The following EXD1 variants were observed in gnomAD, a reference collection of about 807,000 sequenced individuals.
EXD1 encodes the protein piRNA biogenesis protein EXD1.
Under a neutral mutation model 49.1 loss-of-function variants are expected in EXD1, and 63 were observed. That is an observed-to-expected ratio of 1.28 (90% confidence interval 1.05 to 1.58). The LOEUF (loss-of-function observed/expected upper bound fraction) is 1.58, where lower values mean the gene tolerates loss of function less well. EXD1 is among the 40% of genes most tolerant of loss of function. The pLI, the probability that EXD1 is intolerant of heterozygous loss-of-function variation, is 0.00. For synonymous variants in EXD1, 234 were observed against 239.2 expected (o/e 0.98, Z 0.20); for missense variants, 748 against 666.0 (o/e 1.12, Z -1.36).
intron 5 of EXD1, 149 bp from the exon 6 acceptor site, chr15:41,215,982 T>C (rs1344403127): frequency 3.0e-6 from 2 of 672,788 alleles, no homozygotes; most frequent in Non-Finnish European, 5.3e-6. Flanking sequence ...GTACTACTTC[T>C]CTTCCTTTTT....
At position 41,210,647 on chromosome 15, in the gene EXD1, G is replaced by C. The variant is rs546912044; in HGVS notation, c.448-1060C>G. 2.7e-5 allele frequency among the ~76,000 whole-genome samples: 4 copies of C among 150,484 alleles called. No homozygotes were observed. The South Asian group carries it at 8.3e-4, about 31-fold the overall frequency. ...TGAGGCTGCAGTGAGCCATGATGAT[G>C]CACTTCAGCCTGTGTAAAAAAAAAA... On this transcript the variant is annotated intron_variant, in intron 6 of 11. Coordinates refer to ENST00000458580, the MANE Select transcript of EXD1 (RefSeq NM_001286441.2).
chr15:41,196,896 G>A (rs2140838623), intron 7 of EXD1, among the ~76,000 whole-genome samples: 1 of 152,122 alleles, frequency 6.6e-6, no homozygotes, highest in Middle Eastern at 3.4e-3. Flanking sequence ...CTTTATCTTG[G>A]CTCACTGCAA....
intron 5 of EXD1, 58 bp downstream of exon 5, chr15:41,216,610 A>T: frequency 4.6e-6 from 7 of 1,527,262 alleles, no homozygotes; most frequent in Middle Eastern, 2.4e-4. Flanking sequence ...CAGCCTGGGC[A>T]ACAAGAGCGA....
In EXD1 at chr15:41,207,870, GCA is replaced by G; in HGVS notation, c.534+1629_534+1630del. ...TACTAAAAAGACAAAAATTAGCCAG[GCA>G]TGTTGGCTCATGCCTGTAATCCCAG... is the stretch of plus-strand genomic sequence containing the variant. On this transcript the variant is annotated intron_variant, in intron 7 of 11. Transcript: ENST00000458580. Among the ~76,000 whole-genome samples, 3 of 151,954 alleles carry G rather than the reference GCA, an allele frequency of 2.0e-5. No homozygotes were observed. The South Asian group carries it at 6.2e-4, about 32-fold the overall frequency.
chr15:41,199,748 T>TGATATATATC (rs1595436620), intron 7 of EXD1, among the ~76,000 whole-genome samples: 2 of 10,844 alleles, frequency 1.8e-4, no homozygotes, highest in African/African-American at 6.6e-4. Flanking sequence ...TGTCATATAT[T>TGATATATATC]ATATATGATA....
chr15:41,220,702 A>G (rs2047074962), intron 2 of EXD1, among the ~76,000 whole-genome samples: 1 of 152,154 alleles, frequency 6.6e-6, no homozygotes, highest in Non-Finnish European at 1.5e-5. Flanking sequence ...CATGTCCACA[A>G]TGTGCTGTCA....
chr15:41,230,295 C>T (rs2047220002), intron 1 of EXD1, among the ~76,000 whole-genome samples, 184 bp downstream of exon 1: 1 of 152,014 alleles, frequency 6.6e-6, no homozygotes, highest in African/African-American at 2.4e-5. Context: ...ATTGGTCAGG[C>T]TGGTCTCGAA....
At chr15:41,187,526 T>C (rs571581088) in intron 11 of EXD1, among the ~76,000 whole-genome samples, 14 of 152,312 alleles carry the variant, frequency 9.2e-5, no homozygotes, top group Admixed American at 2.0e-4. Context: ...TTTATTATGT[T>C]AGAAAAGTTA....
chr15:41,230,380 GCCTA>G (rs1029320508), intron 1 of EXD1, 95 bp downstream of exon 1: 6 of 1,322,766 alleles, frequency 4.5e-6, no homozygotes, highest in African/African-American at 4.4e-5. Context: ...ACCGTGCCAG[GCCTA>G]CCTTTTTAAT....
rs1247039022 is a variant in EXD1, at chr15:41,189,963, A to G, written c.1030T>C (p.Ser344Pro). ...DGYLNTYREG[S>P]ADRLGGTEPT... is the part of the protein sequence containing the mutation. ...TCAGTGCCTCCAAGCCGGTCTGCAG[A>G]CCCTTCGCGATACGTGTTTAGGTAA... The change falls in exon 11 of 12, where the codon TCT (serine) becomes CCT (proline). Residue 344 changes from serine to proline, a missense_variant. Coordinates refer to ENST00000458580, the MANE Select transcript of EXD1 (RefSeq NM_001286441.2). The G allele has an allele frequency of 6.2e-7, 1 of 1,613,946 alleles. No homozygotes were observed. Among genetic ancestry groups the G allele is most frequent in the Admixed American group, 1.7e-5 (1 of 59,948 alleles).
chr15:41,184,833 T>C (rs899628643), intron 11 of EXD1, among the ~76,000 whole-genome samples: 1 of 151,956 alleles, frequency 6.6e-6, no homozygotes, highest in African/African-American at 2.4e-5. Context: ...TTTTTTTCTA[T>C]TGTTAGTAGA....
Position 41,188,803 on chromosome 15 carries a change from C to CT in EXD1, c.1056+1133dup, listed in dbSNP as rs112364138. 4.5e-3 allele frequency among the ~76,000 whole-genome samples: 501 copies of CT among 110,490 alleles called. 5 individuals are homozygous for CT. Among genetic ancestry groups the CT allele is most frequent in the South Asian group, 0.013 (43 of 3,234 alleles). The allele number at this position is 110,490 out of a possible 152,430, so 72.5% of individuals were successfully genotyped here. ...TTTCCTTTTTTTTCTTTTCTTTCTT[C>CT]TTTTTTTTTTTTTTTTTGAGACAGA... On this transcript the variant is annotated intron_variant, in intron 11 of 11. Coordinates refer to ENST00000458580, the MANE Select transcript of EXD1 (RefSeq NM_001286441.2).
chr15:41,189,949 A>G lies in EXD1; in HGVS notation c.1044T>C (p.Leu348=). 1.2e-6 allele frequency: 2 copies of G among 1,613,990 alleles called. No homozygotes were observed. Among genetic ancestry groups the G allele is most frequent in the Non-Finnish European group, 1.7e-6 (2 of 1,179,932 alleles). ...GAGCTGCACCTACCTCAGTGCCTCC[A>G]AGCCGGTCTGCAGACCCTTCGCGAT... The part of the protein sequence containing the change: ...NTYREGSADR[L]GGTEPTCMEL... Residue 348 remains leucine, a synonymous_variant, in exon 11 of 12, where the codon CTT becomes CTC. Transcript: ENST00000458580.
At chr15:41,215,606 A>C (rs1397615358) in intron 6 of EXD1, among the ~76,000 whole-genome samples, 169 bp downstream of exon 6, 1 of 151,990 alleles carries the variant, frequency 6.6e-6, no homozygotes. Context: ...GAAGGGTGTG[A>C]ACCTGGGAGG....
intron 7 of EXD1, among the ~76,000 whole-genome samples, chr15:41,207,569 C>T (rs933364671): frequency 6.6e-6 from 1 of 151,272 alleles, no homozygotes; most frequent in East Asian, 1.9e-4. Flanking sequence ...AAAAAATAAA[C>T]GTAGTGCCTC....
intron 1 of EXD1, among the ~76,000 whole-genome samples, chr15:41,227,391 C>T (rs1474276233): frequency 5.3e-5 from 8 of 152,040 alleles, no homozygotes; most frequent in Admixed American, 2.0e-4. Flanking sequence ...CCAAATTGGC[C>T]GGGCGCAGTG....
intron 11 of EXD1, among the ~76,000 whole-genome samples, chr15:41,186,079 A>G (rs1158861920): frequency 6.6e-6 from 1 of 152,154 alleles, no homozygotes; most frequent in Non-Finnish European, 1.5e-5. Context: ...CAATTTTTGT[A>G]CTGTTCCTGA....
chr15:41,229,800 C>T (rs1041827254), intron 1 of EXD1, among the ~76,000 whole-genome samples: 1 of 151,504 alleles, frequency 6.6e-6, no homozygotes, highest in Non-Finnish European at 1.5e-5. Flanking sequence ...ACAAACAAAA[C>T]TCTAGTTCTT....
At position 41,184,022 on chromosome 15, in the gene EXD1, G is replaced by A. The variant is rs2046363223; in HGVS notation, c.1628C>T (p.Pro543Leu). ...TRVSPSDTFY[P>L]IRKTVVSTLP... ...TGTGGAAACCACAGTCTTTCTGATA[G>A]GATAAAAAGTGTCACTTGGAGACAC... is the stretch of plus-strand genomic sequence containing the variant. The change falls in exon 12 of 12, where the codon CCT becomes CTT. Residue 543 changes from proline (P) to leucine (L), a missense_variant. Transcript: ENST00000458580. The A allele has an allele frequency of 1.2e-6, 2 of 1,614,026 alleles. No homozygotes were observed. Among genetic ancestry groups the A allele is most frequent in the Admixed American group, 1.7e-5 (1 of 59,984 alleles).
Sources: gnomAD v4.1 joint callset for allele counts (sites outside exome capture counted in the v4.1 genomes callset) on GRCh38, gnomAD v4.1.1 for gene constraint, MANE v1.5 for transcripts, NCBI Gene and HGNC (gene_info 2026-07-23, HGNC 2026-07-21) for gene names.